The following CDC45 variants were observed in gnomAD, a reference collection of about 807,000 sequenced individuals.
CDC45 encodes cell division cycle 45, also known as cell division control protein 45 homolog.
CDC45 carries 54 observed loss-of-function variants against 77.8 expected under a neutral mutation model. That is an observed-to-expected ratio of 0.69 (90% CI 0.56 to 0.87). The LOEUF (loss-of-function observed/expected upper bound fraction) is 0.87, where lower values mean the gene tolerates loss of function less well. Ranked by LOEUF, CDC45 falls within the 40% of genes least tolerant of loss-of-function variation. The pLI is 0.00. For missense variants in CDC45, 649 were observed against 721.6 expected, an observed-to-expected ratio of 0.90 and a Z score of 1.15; for synonymous variants, 260 against 272.1, an observed-to-expected ratio of 0.96 and a Z score of 0.44.
chr22:19,505,520 C>A (rs746015296), intron 10 of CDC45, 39 bp downstream of exon 10: 2 of 1,609,492 alleles, frequency 1.2e-6, no homozygotes, highest in Admixed American at 3.3e-5. Flanking sequence ...CAGGCAGCAC[C>A]CCTGCTCAGC....
intron 6 of CDC45, chr22:19,494,668 A>G (rs2090211891): frequency 9.5e-7 from 1 of 1,051,236 alleles, no homozygotes; most frequent in East Asian, 2.6e-5. Flanking sequence ...TCCAATGTAG[A>G]TACTTTGATT....
intron 2 of CDC45, 89 bp downstream of exon 2, chr22:19,480,306 G>C (rs1409193987): frequency 8.4e-7 from 1 of 1,193,314 alleles, no homozygotes; most frequent in Admixed American, 1.7e-5. Flanking sequence ...TGTCAGGATG[G>C]GTGCTGAGGG....
chr22:19,495,834 A>C, intron 6 of CDC45, 147 bp from the exon 7 acceptor site: 2 of 711,938 alleles, frequency 2.8e-6, no homozygotes, highest in Non-Finnish European at 5.1e-6. Flanking sequence ...CAAAAAAGAA[A>C]AAACCAAGAG....
At chr22:19,498,275 G>A (rs2090279846) in intron 8 of CDC45, among the ~76,000 whole-genome samples, 1 of 152,252 alleles carries the variant, frequency 6.6e-6, no homozygotes, top group African/African-American at 2.4e-5. Context: ...GCTGCAATGA[G>A]CTACAATTGT....
intron 5 of CDC45, among the ~76,000 whole-genome samples, chr22:19,490,829 CTT>C (rs1248793856): frequency 1.9e-4 from 26 of 137,212 alleles, no homozygotes; most frequent in Admixed American, 2.9e-4. Context: ...ACCTTATCTT[CTT>C]TTTTTTTTTT....
At chr22:19,480,825 C>T (rs1344432743) in intron 2 of CDC45, 128 bp from the exon 3 acceptor site, 1 of 597,630 alleles carries the variant, frequency 1.7e-6, no homozygotes, top group Non-Finnish European at 3.0e-6. Context: ...TTCCCGTAAG[C>T]ATTTCACTAG....
At chr22:19,516,666 C>G in intron 16 of CDC45, 21 bp downstream of exon 16, 1 of 1,598,038 alleles carries the variant, frequency 6.3e-7, no homozygotes, top group Non-Finnish European at 8.6e-7. Flanking sequence ...TCCACTCGTC[C>G]TGGGACTGGA....
intron 13 of CDC45, among the ~76,000 whole-genome samples, chr22:19,512,811 A>G (rs1007181348): frequency 2.6e-5 from 4 of 152,226 alleles, no homozygotes; most frequent in African/African-American, 9.6e-5. Flanking sequence ...CTATAAAGGA[A>G]TACCTGAGGC....
At chr22:19,519,275 C>T (rs1212297821) in intron 18 of CDC45, among the ~76,000 whole-genome samples, 2 of 152,228 alleles carry the variant, frequency 1.3e-5, no homozygotes, top group Non-Finnish European at 2.9e-5. Flanking sequence ...GCCTTCGTGT[C>T]AGGCGCTGGG....
chr22:19,498,172 C>G (rs1043776186), intron 8 of CDC45, among the ~76,000 whole-genome samples: 1 of 151,956 alleles, frequency 6.6e-6, no homozygotes, highest in Admixed American at 6.6e-5. Flanking sequence ...GAAACTCTGT[C>G]TCAAAAATTA....
chr22:19,493,779 A>G (rs2146364999), intron 5 of CDC45, among the ~76,000 whole-genome samples: 1 of 152,288 alleles, frequency 6.6e-6, no homozygotes, highest in African/African-American at 2.4e-5. Context: ...GGTTTTCGGT[A>G]TATTTAATGA....
chr22:19,505,421 G>A lies in CDC45; in HGVS notation c.764G>A (p.Arg255Gln), dbSNP rs541752640. 44 of 1,614,106 alleles carry A rather than the reference G, an allele frequency of 2.7e-5. No homozygotes were observed. Among genetic ancestry groups the A allele is most frequent in the South Asian group, 2.1e-4 (19 of 91,086 alleles). ...CGCCACGTTTCCCGCCACAACCACC[G>A]GAACGAGGATGAGGAGAACACACTC... is the stretch of plus-strand genomic sequence containing the variant. The part of the protein sequence containing the change: ...LQRHVSRHNH[R>Q]NEDEENTLSV... The change falls in exon 10 of 19, where the codon CGG becomes CAG. Residue 255 changes from arginine (R) to glutamine (Q), a missense_variant. Arg to Gln is a conservative substitution (Grantham distance 43). Transcript: ENST00000263201.
intron 17 of CDC45, among the ~76,000 whole-genome samples, chr22:19,517,548 T>C (rs904289782): frequency 3.9e-5 from 6 of 152,214 alleles, no homozygotes; most frequent in Non-Finnish European, 8.8e-5. Flanking sequence ...AAAGCTGCCA[T>C]AACAAAGTGC....
At chr22:19,496,355 A>G (rs1263140431) in intron 7 of CDC45, among the ~76,000 whole-genome samples, 1 of 152,246 alleles carries the variant, frequency 6.6e-6, no homozygotes, top group African/African-American at 2.4e-5. Context: ...GCGAGAAGAT[A>G]AAACGCTATA....
intron 12 of CDC45, 81 bp from the exon 13 acceptor site, chr22:19,508,449 A>G (rs1933330418): frequency 6.9e-7 from 1 of 1,457,746 alleles, no homozygotes; most frequent in Non-Finnish European, 9.6e-7. Context: ...TGTGAGGGAC[A>G]TTAGCACATC....
intron 5 of CDC45, among the ~76,000 whole-genome samples, chr22:19,486,697 T>C (rs2090073134): frequency 6.6e-6 from 1 of 152,146 alleles, no homozygotes; most frequent in Admixed American, 6.5e-5. Context: ...ATATATATTT[T>C]TTTGAGACGG....
At chr22:19,497,825 G>A (rs2090270135) in intron 8 of CDC45, among the ~76,000 whole-genome samples, 1 of 152,104 alleles carries the variant, frequency 6.6e-6, no homozygotes, top group Admixed American at 6.6e-5. Context: ...TACTTTGGGA[G>A]GCCGAGACAG....
intron 5 of CDC45, among the ~76,000 whole-genome samples, chr22:19,484,272 A>G (rs1338605586): frequency 6.6e-6 from 1 of 152,258 alleles, no homozygotes; most frequent in Non-Finnish European, 1.5e-5. Flanking sequence ...GCGGCTAGAT[A>G]GCAAAAAAAT....
intron 9 of CDC45, among the ~76,000 whole-genome samples, chr22:19,502,871 C>T (rs866589643): frequency 6.6e-6 from 1 of 152,122 alleles, no homozygotes. Flanking sequence ...ATACCAGTAG[C>T]TTAATAATAC....
Sources: gnomAD v4.1 joint callset for allele counts (sites outside exome capture counted in the v4.1 genomes callset) on GRCh38, gnomAD v4.1.1 for gene constraint, MANE v1.5 for transcripts, NCBI Gene and HGNC (gene_info 2026-07-23, HGNC 2026-07-21) for gene names.